The following TLE4 variants were observed in gnomAD, a reference collection of about 807,000 sequenced individuals.
TLE4 encodes the protein TLE family member 4, transcriptional corepressor.
Under a neutral mutation model 92.8 loss-of-function variants are expected in TLE4, and 8 were observed. The observed-to-expected ratio is 0.09, with a 90% CI of 0.05 to 0.16. The LOEUF (loss-of-function observed/expected upper bound fraction) is 0.16, where lower values mean the gene tolerates loss of function less well. Among genes scored for constraint, TLE4 ranks in the 10% least tolerant of loss-of-function variants. The probability of loss-of-function intolerance (pLI) is 1.00; values close to 1 mark genes in which losing one functional copy is unlikely to be tolerated. For missense variants in TLE4, 675 were observed against 997.6 expected (o/e 0.68, Z 4.36); for synonymous variants, 371 against 374.1 (o/e 0.99, Z 0.10).
chr9:79,658,876 A>G lies in TLE4; in HGVS notation c.609+4801A>G, dbSNP rs1418344036. On this transcript the variant is annotated intron_variant, in intron 8 of 19. Transcript: ENST00000376552. ...TAAAGAGTGTTTAAGCAAACAAAAC[A>G]GTCATGGACTTTTGGTATCTTCTGT... 2.6e-5 allele frequency among the ~76,000 whole-genome samples: 4 copies of G among 152,342 alleles called. No homozygotes were observed. The East Asian group carries it at 7.7e-4, about 29-fold the overall frequency.
At position 79,724,849 on chromosome 9, in the gene TLE4, T is replaced by TAAAAAAAAA. The variant is rs947971071; in HGVS notation, c.2215-164_2215-156dup. 3.5e-3 allele frequency among the ~76,000 whole-genome samples: 92 copies of TAAAAAAAAA among 25,984 alleles called. 35 individuals carry two copies. The highest frequency in any genetic ancestry group is 4.8e-3 in the Admixed American group (8 of 1,658). The allele number at this position is 25,984 out of a possible 152,430, so 17.0% of individuals were successfully genotyped here. On this transcript the variant is annotated intron_variant, in intron 19 of 19. Coordinates refer to ENST00000376552, the MANE Select transcript of TLE4 (RefSeq NM_007005.6). ...GTGACTGAGGGAGACCCTGTCTTAT[T>TAAAAAAAAA]AAAAAAAAAAAAAAAAAAAAAAAAA...
At chr9:79,653,312 ACTCT>A (rs996561031) in intron 7 of TLE4, among the ~76,000 whole-genome samples, 2 of 152,050 alleles carry the variant, frequency 1.3e-5, no homozygotes, top group African/African-American at 2.4e-5. Context: ...TGTTGGTTTA[ACTCT>A]CTCTCTCACC....
At chr9:79,653,049 A>G (rs887719722) in intron 7 of TLE4, 38 of 522,488 alleles carry the variant, frequency 7.3e-5, no homozygotes, top group South Asian at 2.0e-4. Flanking sequence ...GCTACCTTCT[A>G]TGTTCCCCAG....
At chr9:79,585,607 T>A (rs1226068304) in intron 4 of TLE4, among the ~76,000 whole-genome samples, 1 of 152,232 alleles carries the variant, frequency 6.6e-6, no homozygotes. Context: ...GCTCTTTTGG[T>A]TAAAATGACC....
chr9:79,699,732 A>G (rs966727980), intron 8 of TLE4, among the ~76,000 whole-genome samples: 8 of 152,214 alleles, frequency 5.3e-5, no homozygotes, highest in African/African-American at 1.9e-4. Context: ...AAGTCTAAGC[A>G]CTGCACCTGT....
At chr9:79,694,076 C>G (rs139306681) in intron 8 of TLE4, among the ~76,000 whole-genome samples, 78 of 152,236 alleles carry the variant, frequency 5.1e-4, no homozygotes, top group Admixed American at 1.6e-3. Context: ...GTGCCACCAG[C>G]AAGACAGAGT....
At chr9:79,663,311 T>C (rs2060849394) in intron 8 of TLE4, 2 of 152,256 alleles carry the variant, frequency 1.3e-5, no homozygotes, top group Non-Finnish European at 2.9e-5. Context: ...CTGTCCAATA[T>C]GGTGTAGCCA....
At chr9:79,594,289 C>T (rs1238650390) in intron 4 of TLE4, among the ~76,000 whole-genome samples, 1 of 152,206 alleles carries the variant, frequency 6.6e-6, no homozygotes, top group Non-Finnish European at 1.5e-5. Flanking sequence ...CCACTGACCA[C>T]ATTTTGAGTA....
intron 4 of TLE4, among the ~76,000 whole-genome samples, chr9:79,583,207 A>G (rs1441306248): frequency 6.6e-6 from 1 of 152,108 alleles, no homozygotes; most frequent in African/African-American, 2.4e-5. Context: ...TTTCTATATC[A>G]TTGACCCAAA....
intron 11 of TLE4, among the ~76,000 whole-genome samples, chr9:79,707,473 C>A (rs1453730396): frequency 6.6e-6 from 1 of 152,104 alleles, no homozygotes; most frequent in Non-Finnish European, 1.5e-5. Flanking sequence ...TTTTCCTCAC[C>A]AGTTATTTCC....
intron 17 of TLE4, 45 bp from the exon 18 acceptor site, chr9:79,722,406 C>T (rs771104864): frequency 3.9e-5 from 62 of 1,601,972 alleles, no homozygotes; most frequent in East Asian, 8.9e-5. Flanking sequence ...ATAAAAGAAG[C>T]GTGTCCACTG....
chr9:79,631,739 T>C lies in TLE4; in HGVS notation c.390+4291T>C, dbSNP rs1587561239. Among the ~76,000 whole-genome samples, 10 of 151,740 alleles carry C rather than the reference T, an allele frequency of 6.6e-5. No homozygotes were observed. The South Asian group carries it at 1.9e-3, about 28-fold the overall frequency. ...AATGTATGTCTCTTCTTTTCCGTTATAGATTTCAAAACTGCCATTTTAACT... is the reference window on the plus strand; with the variant it reads ...AATGTATGTCTCTTCTTTTCCGTTACAGATTTCAAAACTGCCATTTTAACT... On this transcript the variant is annotated intron_variant, in intron 6 of 19. Coordinates refer to ENST00000376552, the MANE Select transcript of TLE4 (RefSeq NM_007005.6).
chr9:79,580,984 G>A (rs2132018178), intron 4 of TLE4, among the ~76,000 whole-genome samples: 1 of 152,172 alleles, frequency 6.6e-6, no homozygotes, highest in Non-Finnish European at 1.5e-5. Flanking sequence ...TATGTGTGTG[G>A]GGGTGGGAAG....
intron 19 of TLE4, 149 bp downstream of exon 19, chr9:79,723,184 G>C (rs997311256): frequency 1.5e-5 from 11 of 745,514 alleles, no homozygotes; most frequent in Non-Finnish European, 1.9e-5. Context: ...TCCAAGGAGA[G>C]GTTAAGTGTC....
At position 79,572,790 on chromosome 9, in the gene TLE4, G is replaced by T. The variant is rs764826225; in HGVS notation, c.-1G>T. On this transcript the variant is annotated 5_prime_UTR_variant, in exon 1 of 20. Coordinates refer to ENST00000376552, the MANE Select transcript of TLE4 (RefSeq NM_007005.6). ...GAGCGCAGCCAACTAAATCGGCTTGGATGATTCGCGACCTGAGCAAGATGT... is the reference window on the plus strand; with the variant it reads ...GAGCGCAGCCAACTAAATCGGCTTGTATGATTCGCGACCTGAGCAAGATGT... 1 of 1,602,062 alleles carries T rather than the reference G, an allele frequency of 6.2e-7. No individual in the cohort carries two copies. The highest frequency in any genetic ancestry group is 8.5e-7 in the Non-Finnish European group (1 of 1,174,994).
chr9:79,630,947 C>G (rs569801669), intron 6 of TLE4, among the ~76,000 whole-genome samples: 1 of 152,040 alleles, frequency 6.6e-6, no homozygotes, highest in African/African-American at 2.4e-5. Context: ...TTTGGAAACC[C>G]CCTAACCCAC....
chr9:79,589,256 G>T (rs1418480720), intron 4 of TLE4, among the ~76,000 whole-genome samples: 1 of 152,186 alleles, frequency 6.6e-6, no homozygotes, highest in Non-Finnish European at 1.5e-5. Flanking sequence ...TATGAGCATT[G>T]TCTGGCTTCT....
At chr9:79,678,776 C>G (rs1412449568) in intron 8 of TLE4, among the ~76,000 whole-genome samples, 1 of 151,662 alleles carries the variant, frequency 6.6e-6, no homozygotes, top group African/African-American at 2.4e-5. Context: ...CCCCCCTGCC[C>G]CCACCCTACA....
At chr9:79,708,095 T>C (rs2072194032) in intron 11 of TLE4, 23 bp from the exon 12 acceptor site, 1 of 1,612,302 alleles carries the variant, frequency 6.2e-7, no homozygotes, top group Non-Finnish European at 8.5e-7. Context: ...TAATTGCTGG[T>C]ATATGTCATT....
Sources: gnomAD v4.1 joint callset for allele counts (sites outside exome capture counted in the v4.1 genomes callset) on GRCh38, gnomAD v4.1.1 for gene constraint, MANE v1.5 for transcripts, NCBI Gene and HGNC (gene_info 2026-07-23, HGNC 2026-07-21) for gene names.